The following CAMK2B variants were observed in gnomAD, a reference collection of about 807,000 sequenced individuals.
CAMK2B encodes calcium/calmodulin dependent protein kinase II beta.
Under a neutral mutation model 93.7 loss-of-function variants are expected in CAMK2B, and 27 were observed. That is an observed-to-expected ratio of 0.29 (90% CI 0.21 to 0.40). The LOEUF (loss-of-function observed/expected upper bound fraction) is 0.40. Ranked by LOEUF, CAMK2B falls within the 10% of genes least tolerant of loss-of-function variation. The pLI is 1.00. For missense variants in CAMK2B, 568 were observed against 895.8 expected, an observed-to-expected ratio of 0.63 and a Z score of 4.67; for synonymous variants, 374 against 358.8, an observed-to-expected ratio of 1.04 and a Z score of -0.48.
At chr7:44,264,335 C>G (rs922549595) in intron 2 of CAMK2B, among the ~76,000 whole-genome samples, 2 of 152,170 alleles carry the variant, frequency 1.3e-5, no homozygotes, top group Non-Finnish European at 2.9e-5. Context: ...GGGGTTAATT[C>G]CCCTGGAGCA....
chr7:44,231,076 C>T (rs1246528719), intron 16 of CAMK2B, 22 bp from the exon 17 acceptor site: 10 of 1,436,376 alleles, frequency 7.0e-6, no homozygotes, highest in South Asian at 6.1e-5. Context: ...CGGGAGGCAG[C>T]GGGTCAGGAT....
chr7:44,225,493 C>T lies in CAMK2B; in HGVS notation c.1597+1023G>A, dbSNP rs2096464114. The stretch of plus-strand genomic sequence containing the variant: ...CCCCTCAGCTGCTTGCCTCTGATCC[C>T]CTCAGTCAACCCCTGCTGGGGGTCC... On this transcript the variant is annotated intron_variant, in intron 20 of 23. Transcript: ENST00000395749. This position sits in a 1 kb window ranked among gnomAD's most constrained non-coding sequence, Gnocchi z 5.0. Among the ~76,000 whole-genome samples the T allele has an allele frequency of 6.6e-6, 1 of 152,166 alleles. No individual in the cohort carries two copies. The highest frequency in any genetic ancestry group is 2.1e-4 in the South Asian group (1 of 4,834).
In CAMK2B at chr7:44,305,734, G is replaced by A. The variant is rs547942061; in HGVS notation, c.65+19623C>T. ...CAGCAGGACCAAGACAGGGGCGAGA[G>A]GCCTTGGGTGCCGTCTTGGCTCACT... On this transcript the variant is annotated intron_variant, in intron 1 of 23. Transcript: ENST00000395749. 1.3e-4 allele frequency among the ~76,000 whole-genome samples: 20 copies of A among 152,346 alleles called. 1 individual carries two copies. In the South Asian group the frequency reaches 4.1e-3, roughly 32 times the overall value.
At chr7:44,318,637 G>A (rs541223000) in intron 1 of CAMK2B, among the ~76,000 whole-genome samples, 9 of 152,326 alleles carry the variant, frequency 5.9e-5, no homozygotes, top group Non-Finnish European at 1.0e-4. Context: ...TTGTAAGGGC[G>A]ACAGCAGCTC....
chr7:44,294,955 TG>T (rs1787893607), intron 1 of CAMK2B, among the ~76,000 whole-genome samples: 2 of 152,160 alleles, frequency 1.3e-5, no homozygotes. Context: ...ACCTGGGATG[TG>T]GAAAGTCAAG....
chr7:44,307,979 C>G (rs1033759683), intron 1 of CAMK2B, among the ~76,000 whole-genome samples: 1 of 152,126 alleles, frequency 6.6e-6, no homozygotes, highest in Non-Finnish European at 1.5e-5. Context: ...ATCCTCCCAC[C>G]TGGGCCTCCC....
chr7:44,276,457 C>CCAGG (rs549432986), intron 2 of CAMK2B, among the ~76,000 whole-genome samples: 147 of 152,310 alleles, frequency 9.7e-4, no homozygotes, highest in African/African-American at 3.4e-3. Flanking sequence ...CAAAGGGGTC[C>CCAGG]CAGGCAGGCA....
intron 1 of CAMK2B, among the ~76,000 whole-genome samples, chr7:44,289,605 G>A (rs1786166190): frequency 6.6e-6 from 1 of 152,170 alleles, no homozygotes; most frequent in African/African-American, 2.4e-5. Context: ...CACAAGGGCT[G>A]GTGACTTCCA....
At chr7:44,294,144 G>A (rs566443592) in intron 1 of CAMK2B, among the ~76,000 whole-genome samples, 1 of 152,212 alleles carries the variant, frequency 6.6e-6, no homozygotes, top group East Asian at 1.9e-4. Flanking sequence ...CCCCCTCCAA[G>A]GAAGGAAAAC....
chr7:44,310,490 T>C (rs1315687669), intron 1 of CAMK2B, among the ~76,000 whole-genome samples: 1 of 152,158 alleles, frequency 6.6e-6, no homozygotes, highest in East Asian at 1.9e-4. Context: ...GAGGGGGCCA[T>C]GTATCATGTC....
chr7:44,229,540 G>A (rs373929147), intron 17 of CAMK2B, 39 bp from the exon 18 acceptor site: 33 of 1,060,682 alleles, frequency 3.1e-5, no homozygotes, highest in Admixed American at 1.1e-4. Flanking sequence ...TGGGTGGTGC[G>A]CCCGCAGGAA....
At chr7:44,250,778 T>G (rs542394181) in intron 5 of CAMK2B, among the ~76,000 whole-genome samples, 17 of 152,336 alleles carry the variant, frequency 1.1e-4, no homozygotes, top group South Asian at 8.3e-4. Context: ...TCCGCCCGCC[T>G]CGGCCTCCCA....
chr7:44,250,357 G>C (rs1308696272), intron 5 of CAMK2B, among the ~76,000 whole-genome samples: 1 of 152,148 alleles, frequency 6.6e-6, no homozygotes, highest in East Asian at 1.9e-4. Flanking sequence ...CTCTAGGTTT[G>C]TTTTTGTTTT....
chr7:44,255,079 C>G (rs2096823131), intron 4 of CAMK2B, among the ~76,000 whole-genome samples: 1 of 152,030 alleles, frequency 6.6e-6, no homozygotes, highest in African/African-American at 2.4e-5. Flanking sequence ...TCTCCCACCC[C>G]CACTTAGGGC....
chr7:44,278,290 G>A (rs1584519485), intron 2 of CAMK2B, among the ~76,000 whole-genome samples: 1 of 152,212 alleles, frequency 6.6e-6, no homozygotes, highest in African/African-American at 2.4e-5. Flanking sequence ...GGGAGGCAGC[G>A]ATGTGGAGAG....
At chr7:44,232,583 G>C (rs544527741) in intron 16 of CAMK2B, among the ~76,000 whole-genome samples, 116 of 152,290 alleles carry the variant, frequency 7.6e-4, no homozygotes, top group African/African-American at 2.4e-3. Flanking sequence ...TGAGAGTGTC[G>C]GCCACATGGG....
intron 6 of CAMK2B, 101 bp from the exon 7 acceptor site, chr7:44,243,628 C>T (rs939759765): frequency 1.1e-6 from 1 of 897,376 alleles, no homozygotes; most frequent in Admixed American, 2.0e-5. Context: ...CAGTGGTTTG[C>T]AAGAGACAGG....
chr7:44,296,312 C>G (rs1490522083), intron 1 of CAMK2B, among the ~76,000 whole-genome samples: 1 of 152,048 alleles, frequency 6.6e-6, no homozygotes, highest in Non-Finnish European at 1.5e-5. Context: ...TAAAGAATGT[C>G]TTTGATGCAG....
In CAMK2B at chr7:44,271,309, C is replaced by T. The variant is rs140504987; in HGVS notation, c.161-8245G>A. On this transcript the variant is annotated intron_variant, in intron 2 of 23. Transcript: ENST00000395749. This position sits in a 1 kb window ranked among gnomAD's most constrained non-coding sequence, Gnocchi z 4.2. ...CTGGTACCAACACACTTAACTCAAG[C>T]GTCCCAATTCACTTCAAGGCTAAAC... Among the ~76,000 whole-genome samples the T allele has an allele frequency of 4.8e-3, 725 of 152,328 alleles. 5 individuals are homozygous for T. The highest frequency in any genetic ancestry group is 0.016 in the African/African-American group (685 of 41,560).
Sources: gnomAD v4.1 joint callset for allele counts (sites outside exome capture counted in the v4.1 genomes callset) on GRCh38, gnomAD v4.1.1 for gene constraint, Gnocchi (gnomAD v3.1) non-coding constraint, MANE v1.5 for transcripts, NCBI Gene and HGNC (gene_info 2026-07-23, HGNC 2026-07-21) for gene names.